The following OPCML variants were observed in gnomAD, a reference collection of about 807,000 sequenced individuals.
OPCML encodes the protein opioid-binding protein/cell adhesion molecule.
A neutral mutation model predicts 37.8 loss-of-function variants in OPCML; 13 were observed. The ratio of observed to expected loss-of-function variants is 0.34; its 90% CI spans 0.22 to 0.55. OPCML has a LOEUF of 0.55. Among genes scored for constraint, OPCML ranks in the 20% least tolerant of loss-of-function variants. The pLI is 0.91. For missense variants in OPCML, 341 were observed against 435.6 expected (o/e 0.78, Z 1.93); for synonymous variants, 176 against 168.8 (o/e 1.04, Z -0.33).
chr11:133,012,130 G>A (rs7926156), intron 1 of OPCML, among the ~76,000 whole-genome samples: 1 of 152,070 alleles, frequency 6.6e-6, no homozygotes, highest in Admixed American at 6.5e-5. Flanking sequence ...TTGTTGTCAC[G>A]GCTCCGGAGG....
chr11:133,484,022 T>C (rs1947464004), intron 1 of OPCML, among the ~76,000 whole-genome samples: 1 of 143,880 alleles, frequency 7.0e-6, no homozygotes, highest in Non-Finnish European at 1.5e-5. Flanking sequence ...GACAAATAGA[T>C]GGACAGATTA....
At chr11:132,898,910 T>G (rs907902079) in intron 2 of OPCML, among the ~76,000 whole-genome samples, 6 of 149,502 alleles carry the variant, frequency 4.0e-5, no homozygotes, top group African/African-American at 1.5e-4. Flanking sequence ...TGGTGCTGAC[T>G]GGGTGACTGA....
At chr11:132,440,031 G>A (rs1253211889) in intron 4 of OPCML, among the ~76,000 whole-genome samples, 1 of 152,198 alleles carries the variant, frequency 6.6e-6, no homozygotes, top group Non-Finnish European at 1.5e-5. Context: ...GGGAGGGGAT[G>A]GTTTCACAGA....
At chr11:133,159,451 C>G (rs1950112002) in intron 1 of OPCML, among the ~76,000 whole-genome samples, 1 of 152,132 alleles carries the variant, frequency 6.6e-6, no homozygotes. Flanking sequence ...TGCTCTGCAC[C>G]AAGACTGACA....
intron 1 of OPCML, among the ~76,000 whole-genome samples, chr11:133,311,060 C>A (rs986646437): frequency 4.6e-5 from 7 of 152,202 alleles, no homozygotes; most frequent in African/African-American, 1.7e-4. Context: ...AAAGCTCCAA[C>A]TCCTTATGTG....
intron 4 of OPCML, among the ~76,000 whole-genome samples, chr11:132,519,891 T>A (rs1409396848): frequency 6.6e-6 from 1 of 152,158 alleles, no homozygotes; most frequent in Non-Finnish European, 1.5e-5. Context: ...ATGCAGCAGG[T>A]CAACTAATAG....
At chr11:132,544,458 T>C (rs2096364331) in intron 3 of OPCML, among the ~76,000 whole-genome samples, 2 of 152,160 alleles carry the variant, frequency 1.3e-5, no homozygotes, top group Admixed American at 1.3e-4. Flanking sequence ...CAGCAACAAG[T>C]GTTCTATAAT....
At chr11:133,367,363 C>G (rs1314765913) in intron 1 of OPCML, among the ~76,000 whole-genome samples, 1 of 152,220 alleles carries the variant, frequency 6.6e-6, no homozygotes, top group Admixed American at 6.5e-5. Flanking sequence ...CTCCTACAAC[C>G]ATCCTCAGCT....
At chr11:132,610,177 C>A (rs935731207) in intron 3 of OPCML, among the ~76,000 whole-genome samples, 1 of 152,164 alleles carries the variant, frequency 6.6e-6, no homozygotes, top group Admixed American at 6.5e-5. Context: ...AATTTATAAG[C>A]TAGCTTAGGA....
chr11:132,905,207 T>C (rs1944194166), intron 2 of OPCML, among the ~76,000 whole-genome samples: 1 of 147,890 alleles, frequency 6.8e-6, no homozygotes, highest in South Asian at 2.2e-4. Context: ...GGGACAGAGC[T>C]GGGACTAGAA....
At chr11:132,953,473 C>T (rs1280150234) in intron 1 of OPCML, among the ~76,000 whole-genome samples, 10 of 152,158 alleles carry the variant, frequency 6.6e-5, no homozygotes. Context: ...TATAAAGGGA[C>T]CGATTTCCGC....
intron 3 of OPCML, among the ~76,000 whole-genome samples, chr11:132,548,343 C>T (rs1209936255): frequency 6.6e-6 from 1 of 152,138 alleles, no homozygotes; most frequent in Admixed American, 6.5e-5. Context: ...GTACAGAATT[C>T]ATGTTCTCCC....
At chr11:133,140,871 C>CGACGAAGGAGAAGGAGAAGGA (rs1565468276) in intron 1 of OPCML, among the ~76,000 whole-genome samples, 2 of 40,150 alleles carry the variant, frequency 5.0e-5, no homozygotes, top group Admixed American at 4.1e-4. Flanking sequence ...ACGACGACGA[C>CGACGAAGGAGAAGGAGAAGGA]GAAGAAGACG....
At chr11:133,117,315 C>A (rs796500177) in intron 1 of OPCML, among the ~76,000 whole-genome samples, 16 of 152,248 alleles carry the variant, frequency 1.1e-4, no homozygotes, top group African/African-American at 2.4e-4. Context: ...TTATATACTT[C>A]TTTTCTTCCT....
chr11:132,962,085 C>T (rs1373420923), intron 1 of OPCML, among the ~76,000 whole-genome samples: 1 of 152,256 alleles, frequency 6.6e-6, no homozygotes, highest in Non-Finnish European at 1.5e-5. Context: ...AAGCACAATG[C>T]TTGGCAAAGA....
Position 132,651,187 on chromosome 11 carries a change from T to C in OPCML, c.379+5900A>G, listed in dbSNP as rs557346529. The stretch of plus-strand genomic sequence containing the variant: ...ATAAGAACAAGTACCTGTCTACGTA[T>C]TTAACTCTGAGTCAGTGGTGTGTTG... On this transcript the variant is annotated intron_variant, in intron 3 of 7. Coordinates refer to ENST00000524381, the MANE Select transcript of OPCML (RefSeq NM_001012393.5). Among the ~76,000 whole-genome samples the C allele has an allele frequency of 5.0e-4, 76 of 152,298 alleles. No homozygotes were observed. In the South Asian group the frequency reaches 0.016, roughly 32 times the overall value.
At chr11:132,609,831 C>T (rs1319943371) in intron 3 of OPCML, among the ~76,000 whole-genome samples, 3 of 152,142 alleles carry the variant, frequency 2.0e-5, no homozygotes, top group Non-Finnish European at 2.9e-5. Flanking sequence ...ACTGTCTGAT[C>T]GATATCTGTA....
At chr11:132,510,285 G>A (rs2096266114) in intron 4 of OPCML, among the ~76,000 whole-genome samples, 1 of 152,148 alleles carries the variant, frequency 6.6e-6, no homozygotes, top group Non-Finnish European at 1.5e-5. Flanking sequence ...GCTCATAGGT[G>A]GAAGGGACTT....
intron 1 of OPCML, among the ~76,000 whole-genome samples, chr11:133,457,281 C>A (rs1202723910): frequency 6.6e-6 from 1 of 152,164 alleles, no homozygotes; most frequent in African/African-American, 2.4e-5. Context: ...CACCGTAATT[C>A]TAGCACTTTG....
Sources: gnomAD v4.1 joint callset for allele counts (sites outside exome capture counted in the v4.1 genomes callset) on GRCh38, gnomAD v4.1.1 for gene constraint, MANE v1.5 for transcripts, NCBI Gene and HGNC (gene_info 2026-07-23, HGNC 2026-07-21) for gene names.